Variants in RERE observed in about 807,000 individuals in gnomAD.
The protein encoded by RERE is arginine-glutamic acid dipeptide repeats.
RERE carries 40 observed loss-of-function variants against 146.1 expected under a neutral mutation model. The ratio of observed to expected loss-of-function variants is 0.27; its 90% CI spans 0.21 to 0.36. The LOEUF (loss-of-function observed/expected upper bound fraction) is 0.36. Among genes scored for constraint, RERE ranks in the 10% least tolerant of loss-of-function variants. RERE has a pLI of 1.00. For missense variants in RERE, 1,933 were observed against 2,138.7 expected (o/e 0.90, Z 1.90); for synonymous variants, 1,003 against 866.0 (o/e 1.16, Z -2.78).
intron 1 of RERE, among the ~76,000 whole-genome samples, chr1:8,767,495 A>T (rs1350225136): frequency 2.0e-5 from 3 of 152,006 alleles, no homozygotes; most frequent in African/African-American, 7.3e-5. Flanking sequence ...AATCCCAGCT[A>T]CTTGGGAGGC....
Position 8,502,066 on chromosome 1 carries a change from C to T in RERE, c.880-4537G>A, listed in dbSNP as rs1236521689. 5.9e-3 allele frequency among the ~76,000 whole-genome samples: 545 copies of T among 92,120 alleles called. 2 individuals are homozygous for T. The highest frequency in any genetic ancestry group is 0.01 in the Non-Finnish European group (437 of 43,554). The allele number at this position is 92,120 out of a possible 152,430, so 60.4% of individuals were successfully genotyped here. Reference sequence around the variant, plus strand: ...GGTCAGCCCCCCGCCTGGCCAGCCGCCCCGTCCGGGAGGTGAGGGGCGCCT... The same window carrying T: ...GGTCAGCCCCCCGCCTGGCCAGCCGTCCCGTCCGGGAGGTGAGGGGCGCCT... On this transcript the variant is annotated intron_variant, in intron 8 of 22. Transcript: ENST00000400908.
chr1:8,528,874 A>G (rs543141692), intron 7 of RERE, among the ~76,000 whole-genome samples: 46 of 152,296 alleles, frequency 3.0e-4, no homozygotes, highest in African/African-American at 1.1e-3. Flanking sequence ...CATAAAGTGT[A>G]TATTTCTAAT....
chr1:8,764,233 C>T (rs937295828), intron 1 of RERE, among the ~76,000 whole-genome samples: 2 of 152,070 alleles, frequency 1.3e-5, no homozygotes, highest in African/African-American at 2.4e-5. Flanking sequence ...ATGGGTTTTG[C>T]CTCATCTATG....
chr1:8,545,481 C>T (rs1645847555), intron 6 of RERE, among the ~76,000 whole-genome samples: 1 of 152,104 alleles, frequency 6.6e-6, no homozygotes, highest in Non-Finnish European at 1.5e-5. Flanking sequence ...TAGAAATTCA[C>T]TCTCTTAAAA....
intron 7 of RERE, among the ~76,000 whole-genome samples, chr1:8,523,389 AT>A (rs1477615161): frequency 6.6e-6 from 1 of 152,222 alleles, no homozygotes; most frequent in Non-Finnish European, 1.5e-5. Context: ...GAACTTCTCT[AT>A]TTTTTGAAAC....
At chr1:8,556,714 A>G in intron 5 of RERE, 143 bp from the exon 6 acceptor site, 1 of 591,436 alleles carries the variant, frequency 1.7e-6, no homozygotes, top group Non-Finnish European at 3.0e-6. Flanking sequence ...AATAGAGAAG[A>G]GGAATCATAA....
intron 2 of RERE, among the ~76,000 whole-genome samples, chr1:8,631,774 T>C (rs1361482711): frequency 2.0e-5 from 3 of 152,190 alleles, no homozygotes. Context: ...ATCTCTATAC[T>C]AGTATAAAAC....
intron 12 of RERE, among the ~76,000 whole-genome samples, chr1:8,366,630 A>G (rs941102762): frequency 2.0e-5 from 3 of 152,192 alleles, no homozygotes; most frequent in Non-Finnish European, 4.4e-5. Context: ...AGAGGCAAGG[A>G]CTGGGCTTGG....
chr1:8,794,065 C>CAA (rs999908345), intron 1 of RERE, among the ~76,000 whole-genome samples: 5 of 127,980 alleles, frequency 3.9e-5, no homozygotes, highest in African/African-American at 5.9e-5. Flanking sequence ...AAGACTGTCT[C>CAA]AAAAAAAAAA....
chr1:8,536,834 T>A (rs1463051), intron 7 of RERE, among the ~76,000 whole-genome samples: 93,606 of 152,052 alleles, frequency 0.62, 29,206 homozygotes, highest in East Asian at 0.84. Context: ...TAAGGCTCTC[T>A]CATTTTTCAC....
intron 1 of RERE, among the ~76,000 whole-genome samples, chr1:8,803,028 T>G (rs929410301): frequency 2.6e-5 from 4 of 152,166 alleles, no homozygotes; most frequent in Non-Finnish European, 5.9e-5. Flanking sequence ...ATTCAGGACA[T>G]TGGAACTAAG....
At chr1:8,506,068 A>C (rs1350909794) in intron 8 of RERE, among the ~76,000 whole-genome samples, 1 of 152,212 alleles carries the variant, frequency 6.6e-6, no homozygotes, top group Non-Finnish European at 1.5e-5. Context: ...TAGGAAAAAA[A>C]AAATCTATAA....
chr1:8,377,327 G>A (rs2124400204), intron 12 of RERE, among the ~76,000 whole-genome samples: 1 of 152,208 alleles, frequency 6.6e-6, no homozygotes, highest in South Asian at 2.1e-4. Flanking sequence ...TTGTTTTACT[G>A]AACTGTTTGT....
chr1:8,610,377 T>A (rs1646778234), intron 4 of RERE, among the ~76,000 whole-genome samples: 1 of 151,812 alleles, frequency 6.6e-6, no homozygotes, highest in African/African-American at 2.4e-5. Flanking sequence ...GATCACAAGG[T>A]CAGCAGTTCG....
chr1:8,651,863 AGGCTGTAATATAAT>A (rs1461144692), intron 2 of RERE, among the ~76,000 whole-genome samples: 19 of 152,114 alleles, frequency 1.2e-4, no homozygotes, highest in Non-Finnish European at 8.8e-5. Context: ...TCTGTCACCC[AGGCTGTAATATAAT>A]GGCATGTAGT....
chr1:8,416,408 AAC>A (rs1188750512), intron 12 of RERE, among the ~76,000 whole-genome samples: 3 of 152,050 alleles, frequency 2.0e-5, no homozygotes, highest in African/African-American at 7.2e-5. Flanking sequence ...ACATGGTGAA[AAC>A]CCCGTCTCTA....
intron 2 of RERE, among the ~76,000 whole-genome samples, chr1:8,653,548 A>C (rs1317012150): frequency 6.6e-6 from 1 of 152,040 alleles, no homozygotes; most frequent in Non-Finnish European, 1.5e-5. Flanking sequence ...ACAAAATATT[A>C]GCTGGGCGCA....
chr1:8,691,789 T>G (rs1183668957), intron 1 of RERE, among the ~76,000 whole-genome samples: 4 of 152,212 alleles, frequency 2.6e-5, no homozygotes, highest in African/African-American at 7.2e-5. Flanking sequence ...ATGCCACAAT[T>G]AGGCTGATGT....
intron 8 of RERE, among the ~76,000 whole-genome samples, chr1:8,501,360 C>A (rs1392443433): frequency 1.1e-5 from 1 of 92,124 alleles, no homozygotes; most frequent in South Asian, 3.6e-4. Flanking sequence ...CCCGGCCAGC[C>A]GCCCAGTCCG....
Sources: gnomAD v4.1 joint callset for allele counts (sites outside exome capture counted in the v4.1 genomes callset) on GRCh38, gnomAD v4.1.1 for gene constraint, MANE v1.5 for transcripts, NCBI Gene and HGNC (gene_info 2026-07-23, HGNC 2026-07-21) for gene names.